RAB2B: variants seen among roughly 807,000 people sequenced by gnomAD.
RAB2B encodes ras-related protein Rab-2B.
In RAB2B, 20 loss-of-function variants were observed where a neutral mutation model predicts 29.8. That is an observed-to-expected ratio of 0.67 (90% CI 0.47 to 0.97). The LOEUF is 0.97. Among genes scored for constraint, RAB2B ranks in the 50% least tolerant of loss-of-function variants. RAB2B has a pLI of 0.00. For missense variants in RAB2B, 218 were observed against 272.0 expected, an observed-to-expected ratio of 0.80 and a Z score of 1.40; for synonymous variants, 93 against 91.7, an observed-to-expected ratio of 1.01 and a Z score of -0.08.
At position 21,473,912 on chromosome 14, in the gene RAB2B, T is replaced by C. The variant is rs369223569; in HGVS notation, c.186+955A>G. On this transcript the variant is annotated intron_variant, in intron 3 of 7. Transcript: ENST00000397762. ...CTGTAGTCCCAGCTATTCGGGAGGC[T>C]GAGACAGGAGAATGGCACGAACCCG... Among the ~76,000 whole-genome samples, 22 of 152,212 alleles carry C rather than the reference T, an allele frequency of 1.4e-4. No homozygotes were observed. In the South Asian group the frequency reaches 4.6e-3, roughly 32 times the overall value.
intron 3 of RAB2B, among the ~76,000 whole-genome samples, chr14:21,472,806 T>A (rs574069887): frequency 6.6e-6 from 1 of 150,406 alleles, no homozygotes; most frequent in African/African-American, 2.4e-5. Context: ...TCCAACCATG[T>A]CCCATATGAG....
At position 21,476,578 on chromosome 14, in the gene RAB2B, A is replaced by C; in HGVS notation, c.68T>G (p.Leu23Arg). Reference protein sequence around the residue: ...GDTGVGKSCLLLQFTDKRFQP... With the variant: ...GDTGVGKSCLRLQFTDKRFQP... ...GAACCGCTTATCTGTAAACTGCAGGAGGAGACATGACTTCCCCACACCTGA... is the reference window on the plus strand; with the variant it reads ...GAACCGCTTATCTGTAAACTGCAGGCGGAGACATGACTTCCCCACACCTGA... Residue 23 changes from leucine (L) to arginine (R), a missense_variant, in exon 2 of 8, where the codon CTC (leucine) becomes CGC (arginine). Coordinates refer to ENST00000397762, the MANE Select transcript of RAB2B (RefSeq NM_032846.4). 6.2e-7 allele frequency: 1 copy of C among 1,613,722 alleles called. No individual in the cohort carries two copies. The highest frequency in any genetic ancestry group is 8.5e-7 in the Non-Finnish European group (1 of 1,179,996).
chr14:21,463,545 C>T lies in RAB2B; in HGVS notation c.474+111G>A, dbSNP rs1890616699. ...TACAGGCATGAGCCACCGCGCTCGG[C>T]CAAGACATCCTTTCTTTACCAATTT... is the stretch of plus-strand genomic sequence containing the variant. On this transcript the variant is annotated intron_variant, in intron 6 of 7. Transcript: ENST00000397762. 1.1e-5 allele frequency: 9 copies of T among 843,144 alleles called. No homozygotes were observed. In the Admixed American group the frequency reaches 2.0e-4, roughly 19 times the overall value. The allele number at this position is 843,144 out of a possible 1,614,324, so 52.2% of individuals were successfully genotyped here.
chr14:21,475,014 AATGTGTT>A, intron 2 of RAB2B, 80 bp from the exon 3 acceptor site: 1 of 1,066,386 alleles, frequency 9.4e-7, no homozygotes, highest in Non-Finnish European at 1.5e-6. Flanking sequence ...GCCTTTCCTC[AATGTGTT>A]ATAACCATCC....
intron 3 of RAB2B, chr14:21,474,587 T>A: frequency 2.8e-6 from 1 of 357,708 alleles, no homozygotes; most frequent in South Asian, 4.0e-5. Flanking sequence ...GGAGAAAGAG[T>A]TTATGTATCA....
chr14:21,474,861 T>C lies in RAB2B; in HGVS notation c.186+6A>G, dbSNP rs1414883801. The C allele has an allele frequency of 6.2e-7, 1 of 1,611,544 alleles. No individual in the cohort carries two copies. The highest frequency in any genetic ancestry group is 1.7e-5 in the Admixed American group (1 of 59,996). ...GGTCAGAGACTAAATTATTTTGTAC[T>C]CTCACCGTATCCCAGATTTGCAGTT... On this transcript the variant is annotated splice_donor_region_variant and intron_variant, in intron 3 of 7. Coordinates refer to ENST00000397762, the MANE Select transcript of RAB2B (RefSeq NM_032846.4).
intron 7 of RAB2B, among the ~76,000 whole-genome samples, chr14:21,461,627 G>C (rs1438552856): frequency 6.6e-6 from 1 of 151,962 alleles, no homozygotes; most frequent in African/African-American, 2.4e-5. Context: ...AGGCTGCAGT[G>C]CAGTGGCTAT....
chr14:21,474,494 AAAT>A (rs1890899816), intron 3 of RAB2B: 1 of 208,792 alleles, frequency 4.8e-6, no homozygotes, highest in South Asian at 8.2e-5. Flanking sequence ...GTATGTATCT[AAAT>A]GCATAGAAAA....
At chr14:21,464,690 G>A (rs1457722812) in intron 5 of RAB2B, among the ~76,000 whole-genome samples, 1 of 152,044 alleles carries the variant, frequency 6.6e-6, no homozygotes, top group African/African-American at 2.4e-5. Context: ...GGCAACAAAA[G>A]ACCTTATGAA....
rs960077345 is a variant in RAB2B, at chr14:21,461,163, C to T, written c.*33G>A. On this transcript the variant is annotated 3_prime_UTR_variant, in exon 8 of 8. Coordinates refer to ENST00000397762, the MANE Select transcript of RAB2B (RefSeq NM_032846.4). ...TTAAGCCTATTGATCTGAAGCTATT[C>T]CAGGAAGGACAAAAAAAGTTCAAGC... 6.8e-7 allele frequency: 1 copy of T among 1,470,684 alleles called. No homozygotes were observed. 91.1% of individuals were successfully genotyped at this position (1,470,684 alleles called of 1,614,324 possible).
rs1890490866 is a variant in RAB2B, at chr14:21,459,604, G to C, written c.*1592C>G. On this transcript the variant is annotated 3_prime_UTR_variant, in exon 8 of 8. Transcript: ENST00000397762. The stretch of plus-strand genomic sequence containing the variant: ...GACAAGATTCCACACAAAAACAACT[G>C]CAAACCATATTTACATAGTAACATA... 1 of 152,116 alleles carries C rather than the reference G, an allele frequency of 6.6e-6. No individual in the cohort carries two copies. The highest frequency in any genetic ancestry group is 1.9e-4 in the East Asian group (1 of 5,182). The allele number at this position is 152,116 out of a possible 1,614,324, so 9.4% of individuals were successfully genotyped here.
intron 7 of RAB2B, 25 bp downstream of exon 7, chr14:21,462,325 T>C (rs369095278): frequency 6.2e-7 from 1 of 1,605,444 alleles, no homozygotes; most frequent in African/African-American, 1.3e-5. Context: ...CAAAGTTAAC[T>C]GCCAGCACTT....
intron 2 of RAB2B, among the ~76,000 whole-genome samples, chr14:21,475,952 G>T (rs748212358): frequency 2.0e-4 from 31 of 152,216 alleles, no homozygotes; most frequent in Non-Finnish European, 4.0e-4. Flanking sequence ...CGGAGATAAC[G>T]AAGAGGGGGT....
chr14:21,462,560 T>C (rs112733477), intron 6 of RAB2B, 142 bp from the exon 7 acceptor site: 5 of 780,792 alleles, frequency 6.4e-6, no homozygotes, highest in East Asian at 3.3e-5. Context: ...AGAAGGTCGG[T>C]TGGGTGCGGT....
chr14:21,474,274 C>T (rs1890893189), intron 3 of RAB2B, among the ~76,000 whole-genome samples: 1 of 152,176 alleles, frequency 6.6e-6, no homozygotes, highest in Non-Finnish European at 1.5e-5. Context: ...ATGATGGTTA[C>T]ATAAATCATG....
At chr14:21,468,281 G>A in intron 5 of RAB2B, 76 bp downstream of exon 5, 1 of 1,182,328 alleles carries the variant, frequency 8.5e-7, no homozygotes, top group Non-Finnish European at 1.2e-6. Context: ...TATAAACTGA[G>A]AAAGTTTGGG....
intron 3 of RAB2B, 72 bp downstream of exon 3, chr14:21,474,795 C>T (rs2139607676): frequency 8.0e-7 from 1 of 1,250,772 alleles, no homozygotes; most frequent in Admixed American, 1.7e-5. Flanking sequence ...CCTCATCGCC[C>T]CTTTCCTTTG....
intron 3 of RAB2B, among the ~76,000 whole-genome samples, chr14:21,472,892 C>G (rs1890853619): frequency 6.6e-6 from 1 of 151,376 alleles, no homozygotes; most frequent in African/African-American, 2.4e-5. Context: ...TTTTCCCCAG[C>G]ATCAAAACAT....
At chr14:21,465,462 AAAGTG>A (rs1482246975) in intron 5 of RAB2B, among the ~76,000 whole-genome samples, 1 of 152,212 alleles carries the variant, frequency 6.6e-6, no homozygotes, top group African/African-American at 2.4e-5. Context: ...AATCCATTCC[AAAGTG>A]AAGTACTTCC....
Sources: gnomAD v4.1 joint callset for allele counts (sites outside exome capture counted in the v4.1 genomes callset) on GRCh38, gnomAD v4.1.1 for gene constraint, MANE v1.5 for transcripts, NCBI Gene and HGNC (gene_info 2026-07-23, HGNC 2026-07-21) for gene names.